Variants in TXNRD1 observed in about 807,000 individuals in gnomAD.
The protein encoded by TXNRD1 is thioredoxin reductase 1, cytoplasmic.
A neutral mutation model predicts 80.3 loss-of-function variants in TXNRD1; 57 were observed. The observed-to-expected ratio is 0.71, with a 90% CI of 0.57 to 0.89. TXNRD1 has a LOEUF of 0.89. Among genes scored for constraint, TXNRD1 ranks in the 40% least tolerant of loss-of-function variants. TXNRD1 has a pLI of 0.00. For missense variants in TXNRD1, 730 were observed against 803.0 expected (o/e 0.91, Z 1.10); for synonymous variants, 291 against 285.2 (o/e 1.02, Z -0.20).
Position 104,326,580 on chromosome 12 carries a change from C to A in TXNRD1, c.1385+157C>A, listed in dbSNP as rs548168477. ...CCCTGGGATCAAGCCATTCTCCTGC[C>A]TCAGCCTCCCATGTAGCTGGGATTA... On this transcript the variant is annotated intron_variant, in intron 12 of 16. Transcript: ENST00000525566. Among the ~76,000 whole-genome samples the A allele has an allele frequency of 4.6e-5, 7 of 150,550 alleles. No individual in the cohort carries two copies. The East Asian group carries it at 1.4e-3, about 30-fold the overall frequency.
intron 4 of TXNRD1, among the ~76,000 whole-genome samples, chr12:104,301,083 C>T (rs4964779): frequency 0.91 from 138,043 of 152,292 alleles, 62,820 homozygotes; most frequent in African/African-American, 0.98. Context: ...ATGTTTGCCT[C>T]GATATGCTCT....
chr12:104,338,644 T>C (rs35928066), intron 15 of TXNRD1, among the ~76,000 whole-genome samples: 1 of 144,920 alleles, frequency 6.9e-6, no homozygotes, highest in Non-Finnish European at 1.6e-5. Flanking sequence ...TTGCGGTGAG[T>C]GGAGATCGCG....
At position 104,216,989 on chromosome 12, in the gene TXNRD1, A is replaced by G. The variant is rs2032229449; in HGVS notation, c.91+1096A>G. ...TTTGGTAGAGGTGTCTGAAGGGAGA[A>G]CATTCTTGTTAGGGGAAGCAGCCGG... On this transcript the variant is annotated intron_variant, in intron 1 of 16. Transcript: ENST00000525566. Among the ~76,000 whole-genome samples the G allele has an allele frequency of 2.0e-5, 3 of 152,194 alleles. No homozygotes were observed. The South Asian group carries it at 6.2e-4, about 31-fold the overall frequency.
chr12:104,312,726 G>A lies in TXNRD1; in HGVS notation c.538-519G>A, dbSNP rs149224865. Among the ~76,000 whole-genome samples the A allele has an allele frequency of 3.2e-3, 492 of 152,164 alleles. 1 individual carries two copies. The highest frequency in any genetic ancestry group is 5.6e-3 in the Admixed American group (85 of 15,294). The stretch of plus-strand genomic sequence containing the variant: ...AGATGTTGTCAACTTTTTCATGAGC[G>A]CCTCATGTGAAAATTTTAGGAAATC... On this transcript the variant is annotated intron_variant, in intron 5 of 16. Coordinates refer to ENST00000525566, the MANE Select transcript of TXNRD1 (RefSeq NM_001093771.3).
intron 5 of TXNRD1, among the ~76,000 whole-genome samples, chr12:104,312,435 T>A (rs2035172207): frequency 3.3e-5 from 5 of 152,212 alleles, no homozygotes; most frequent in Admixed American, 2.6e-4. Flanking sequence ...GCTGAATCAG[T>A]AATGGGTAGA....
Position 104,348,366 on chromosome 12 carries a change from T to C in TXNRD1, c.1895T>C (p.Leu632Ser). Residue 632 changes from leucine (L) to serine (S), a missense_variant, in exon 17 of 17, where the codon TTG becomes TCG. Transcript: ENST00000525566. Reference protein sequence around the residue: ...HPVCAEVFTTLSVTKRSGASI... With the variant: ...HPVCAEVFTTSSVTKRSGASI... ...CTTCCCCTGCAGGTATTCACAACAT[T>C]GTCTGTGACCAAGCGCTCTGGGGCA... 1.2e-6 allele frequency: 2 copies of C among 1,614,042 alleles called. No individual in the cohort carries two copies. The highest frequency in any genetic ancestry group is 2.2e-5 in the South Asian group (2 of 91,088).
At chr12:104,287,939 T>C (rs1317127282) in intron 3 of TXNRD1, among the ~76,000 whole-genome samples, 1 of 152,254 alleles carries the variant, frequency 6.6e-6, no homozygotes, top group Non-Finnish European at 1.5e-5. Context: ...TGTTAGCTAC[T>C]ATTATTACAA....
chr12:104,337,662 G>A (rs1031103138), intron 15 of TXNRD1, among the ~76,000 whole-genome samples: 1 of 151,874 alleles, frequency 6.6e-6, no homozygotes, highest in African/African-American at 2.4e-5. Flanking sequence ...TTCGGGACCA[G>A]CCTAGACAAC....
chr12:104,250,315 A>T (rs1279234987), intron 1 of TXNRD1, among the ~76,000 whole-genome samples: 2 of 152,234 alleles, frequency 1.3e-5, no homozygotes, highest in Non-Finnish European at 2.9e-5. Flanking sequence ...TACAAAAAAA[A>T]TAAAATCCTT....
At chr12:104,254,644 A>AAAAAAAAAAAAAAAAAAATATATATATAT in intron 2 of TXNRD1, among the ~76,000 whole-genome samples, 3 of 93,638 alleles carry the variant, frequency 3.2e-5, no homozygotes, top group African/African-American at 1.5e-4. Flanking sequence ...AAAAAAAAAA[A>AAAAAAAAAAAAAAAAAAATATATATATAT]ATATATATAT....
intron 3 of TXNRD1, among the ~76,000 whole-genome samples, chr12:104,261,571 C>A (rs1430332291): frequency 6.6e-6 from 1 of 152,098 alleles, no homozygotes; most frequent in Non-Finnish European, 1.5e-5. Context: ...ACTGAAAAAT[C>A]TATTAAATTT....
intron 4 of TXNRD1, among the ~76,000 whole-genome samples, chr12:104,305,498 T>G (rs1202159954): frequency 6.6e-6 from 1 of 152,202 alleles, no homozygotes; most frequent in Admixed American, 6.5e-5. Context: ...AAAAGTAGTG[T>G]CTCTGCTGTA....
chr12:104,229,165 T>G (rs1364463871), intron 1 of TXNRD1, among the ~76,000 whole-genome samples: 1 of 74,900 alleles, frequency 1.3e-5, no homozygotes, highest in Admixed American at 1.4e-4. Context: ...TTTTTTTTTT[T>G]GAGACAGGGT....
At chr12:104,274,916 A>G (rs1471437385) in intron 3 of TXNRD1, among the ~76,000 whole-genome samples, 5 of 151,986 alleles carry the variant, frequency 3.3e-5, no homozygotes, top group Non-Finnish European at 4.4e-5. Context: ...GTGGTTTTCT[A>G]CCTGAAAACT....
intron 16 of TXNRD1, chr12:104,345,876 C>A: frequency 1.0e-6 from 1 of 978,700 alleles, no homozygotes. Context: ...CCTCCAGCAG[C>A]TCCTGACCCT....
At chr12:104,279,333 T>C (rs2033827473) in intron 3 of TXNRD1, among the ~76,000 whole-genome samples, 1 of 152,210 alleles carries the variant, frequency 6.6e-6, no homozygotes, top group Non-Finnish European at 1.5e-5. Context: ...GAACATTTCA[T>C]AGGGGGATTT....
chr12:104,304,632 G>A (rs770588903), intron 4 of TXNRD1: 4 of 1,613,816 alleles, frequency 2.5e-6, no homozygotes, highest in Non-Finnish European at 3.4e-6. Flanking sequence ...ACCTACTTTC[G>A]AAAGTATCCT....
At chr12:104,304,777 A>G (rs1326196519) in intron 4 of TXNRD1, 2 of 1,613,868 alleles carry the variant, frequency 1.2e-6, no homozygotes, top group Non-Finnish European at 1.7e-6. Context: ...ACAGGCTGCC[A>G]ATATTAGAGC....
intron 4 of TXNRD1, chr12:104,310,016 C>T: frequency 6.5e-7 from 1 of 1,536,248 alleles, no homozygotes; most frequent in Non-Finnish European, 8.7e-7. Context: ...ATCCCAAGAA[C>T]CTTCTTCTTC....
Sources: gnomAD v4.1 joint callset for allele counts (sites outside exome capture counted in the v4.1 genomes callset) on GRCh38, gnomAD v4.1.1 for gene constraint, MANE v1.5 for transcripts, NCBI Gene and HGNC (gene_info 2026-07-23, HGNC 2026-07-21) for gene names.